The following EXOC4 variants were observed in gnomAD, a reference collection of about 807,000 sequenced individuals.
EXOC4 encodes the protein SEC8-like 1.
Under a neutral mutation model 107.2 loss-of-function variants are expected in EXOC4, and 71 were observed. The observed-to-expected ratio is 0.66, with a 90% CI of 0.55 to 0.81. EXOC4 has a LOEUF of 0.81. EXOC4 is among the 30% of genes least tolerant of loss of function. The probability of loss-of-function intolerance (pLI) is 0.00; values close to 1 mark genes in which losing one functional copy is unlikely to be tolerated. For missense variants in EXOC4, 1,108 were observed against 1,189.6 expected, an observed-to-expected ratio of 0.93 and a Z score of 1.01; for synonymous variants, 456 against 441.2, an observed-to-expected ratio of 1.03 and a Z score of -0.42.
intron 11 of EXOC4, among the ~76,000 whole-genome samples, chr7:133,879,005 G>A (rs1412564371): frequency 6.6e-6 from 1 of 152,086 alleles, no homozygotes; most frequent in Non-Finnish European, 1.5e-5. Flanking sequence ...GATTACAGGG[G>A]TGAGCCACTG....
intron 9 of EXOC4, among the ~76,000 whole-genome samples, chr7:133,518,425 T>A (rs80006041): frequency 6.9e-6 from 1 of 143,924 alleles, no homozygotes; most frequent in Middle Eastern, 3.5e-3. Flanking sequence ...GCCTCTCCTA[T>A]TTTTTTTTTC....
chr7:133,519,355 C>T (rs150842471), intron 9 of EXOC4, among the ~76,000 whole-genome samples: 2,846 of 151,900 alleles, frequency 0.019, 91 homozygotes, highest in African/African-American at 0.064. Flanking sequence ...CCCAGGAGGT[C>T]GAGGCTGCAG....
At chr7:133,303,203 G>A (rs917408459) in intron 3 of EXOC4, among the ~76,000 whole-genome samples, 1 of 152,204 alleles carries the variant, frequency 6.6e-6, no homozygotes, top group East Asian at 1.9e-4. Context: ...GAGAGGCCAA[G>A]GTGGGTGGAT....
chr7:133,375,490 A>G (rs1796469137), intron 7 of EXOC4, among the ~76,000 whole-genome samples: 1 of 152,092 alleles, frequency 6.6e-6, no homozygotes, highest in African/African-American at 2.4e-5. Context: ...AAAACCTTTT[A>G]ACAGACTTCT....
chr7:133,591,986 T>C (rs962568102), intron 9 of EXOC4, among the ~76,000 whole-genome samples: 17 of 152,132 alleles, frequency 1.1e-4, no homozygotes, highest in African/African-American at 4.1e-4. Flanking sequence ...CCTCCTGGGA[T>C]TATTCTTTGG....
At chr7:133,569,475 G>T (rs184421621) in intron 9 of EXOC4, among the ~76,000 whole-genome samples, 3 of 152,274 alleles carry the variant, frequency 2.0e-5, no homozygotes, top group African/African-American at 7.2e-5. Context: ...GTACAAGCAG[G>T]CAGTTATTTT....
rs570022748 is a variant in EXOC4, at chr7:133,417,753, GT to G, written c.1182+42758del. Among the ~76,000 whole-genome samples, 546 of 152,054 alleles carry G rather than the reference GT, an allele frequency of 3.6e-3. 5 individuals carry two copies. Among genetic ancestry groups the G allele is most frequent in the African/African-American group, 0.012 (507 of 41,482 alleles). On this transcript the variant is annotated intron_variant, in intron 7 of 17. Coordinates refer to ENST00000253861, the MANE Select transcript of EXOC4 (RefSeq NM_021807.4). ...CTCATCAGTACCTTTAGTCACCATGGTTTTTTTACCCTCATTTAAAATTTCA... is the reference window on the plus strand; with the variant it reads ...CTCATCAGTACCTTTAGTCACCATGGTTTTTTACCCTCATTTAAAATTTCA...
intron 6 of EXOC4, among the ~76,000 whole-genome samples, chr7:133,364,485 T>C (rs1796207908): frequency 6.6e-6 from 1 of 152,046 alleles, no homozygotes; most frequent in African/African-American, 2.4e-5. Context: ...AATAAGGTCA[T>C]TTAGTGGAAG....
chr7:133,905,792 T>C (rs1442346104), intron 12 of EXOC4, among the ~76,000 whole-genome samples: 2 of 152,020 alleles, frequency 1.3e-5, no homozygotes, highest in African/African-American at 4.8e-5. Context: ...CTTTCACAAC[T>C]TCAGAGAGGA....
chr7:133,583,305 A>G (rs1260215873), intron 9 of EXOC4, among the ~76,000 whole-genome samples: 1 of 152,130 alleles, frequency 6.6e-6, no homozygotes, highest in African/African-American at 2.4e-5. Flanking sequence ...ATAATCTCTT[A>G]TGTGGCCTAC....
At chr7:133,762,942 T>G (rs1253240461) in intron 10 of EXOC4, among the ~76,000 whole-genome samples, 1 of 152,178 alleles carries the variant, frequency 6.6e-6, no homozygotes, top group Non-Finnish European at 1.5e-5. Context: ...TATTTTTATA[T>G]CATGTATATA....
intron 11 of EXOC4, among the ~76,000 whole-genome samples, chr7:133,864,524 G>A (rs1473529763): frequency 1.3e-5 from 2 of 151,976 alleles, no homozygotes; most frequent in African/African-American, 4.8e-5. Flanking sequence ...ATATCTGTTA[G>A]TATTTAATAA....
chr7:133,317,426 G>T (rs756243163), intron 5 of EXOC4, 36 bp downstream of exon 5: 4 of 1,380,874 alleles, frequency 2.9e-6, no homozygotes, highest in African/African-American at 1.4e-5. Flanking sequence ...AAGCTTTTTA[G>T]TATGTCTTAG....
At chr7:133,469,896 C>T (rs147694291) in intron 7 of EXOC4, among the ~76,000 whole-genome samples, 68 of 152,304 alleles carry the variant, frequency 4.5e-4, no homozygotes, top group African/African-American at 1.6e-3. Flanking sequence ...TTTACATCTC[C>T]TCCTTTACAT....
At chr7:133,501,907 C>A (rs1799582498) in intron 9 of EXOC4, among the ~76,000 whole-genome samples, 1 of 152,072 alleles carries the variant, frequency 6.6e-6, no homozygotes, top group Non-Finnish European at 1.5e-5. Context: ...TCTGGTTTAG[C>A]GGATTAGCTG....
At chr7:133,947,434 G>A (rs1800580190) in intron 14 of EXOC4, among the ~76,000 whole-genome samples, 1 of 152,200 alleles carries the variant, frequency 6.6e-6, no homozygotes, top group African/African-American at 2.4e-5. Context: ...GGTCATGGAA[G>A]TGTGTCTGAG....
chr7:134,088,987 C>A, the EXOC4 span, among the ~76,000 whole-genome samples: 2 of 152,100 alleles, frequency 1.3e-5, no homozygotes, highest in African/African-American at 4.8e-5. Context: ...ATAAATCTAT[C>A]CAATCTTAAA....
intron 5 of EXOC4, among the ~76,000 whole-genome samples, chr7:133,335,486 A>G (rs1340032398): frequency 6.6e-6 from 1 of 152,236 alleles, no homozygotes; most frequent in Admixed American, 6.5e-5. Context: ...TATTTCACTT[A>G]GCATAATATT....
At chr7:133,905,463 T>A (rs1358484490) in intron 12 of EXOC4, among the ~76,000 whole-genome samples, 1 of 152,088 alleles carries the variant, frequency 6.6e-6, no homozygotes, top group Non-Finnish European at 1.5e-5. Context: ...AATCAGGCAC[T>A]TGGCCCATGA....
Sources: allele counts gnomAD v4.1 joint callset (sites outside exome capture counted in the v4.1 genomes callset), GRCh38; gene constraint gnomAD v4.1.1; transcripts MANE v1.5; gene names NCBI Gene and HGNC (gene_info 2026-07-23, HGNC 2026-07-21).